The following TPST2 variants were observed in gnomAD, a reference collection of about 807,000 sequenced individuals.
TPST2 encodes protein-tyrosine sulfotransferase 2.
In TPST2, 16 loss-of-function variants were observed where a neutral mutation model predicts 27.8. That is an observed-to-expected ratio of 0.58 (90% CI 0.39 to 0.88). The LOEUF (loss-of-function observed/expected upper bound fraction) is 0.88. Among genes scored for constraint, TPST2 ranks in the 40% least tolerant of loss-of-function variants. The pLI, the probability that TPST2 is intolerant of heterozygous loss-of-function variation, is 0.00. For missense variants in TPST2, 464 were observed against 543.1 expected (o/e 0.85, Z 1.45); for synonymous variants, 229 against 231.7 (o/e 0.99, Z 0.10).
chr22:26,531,320 C>T (rs1925149613), intron 5 of TPST2, among the ~76,000 whole-genome samples: 1 of 152,174 alleles, frequency 6.6e-6, no homozygotes, highest in African/African-American at 2.4e-5. Flanking sequence ...TTCCACAGAA[C>T]ACTACGTAGC....
intron 1 of TPST2, among the ~76,000 whole-genome samples, chr22:26,583,436 C>CAAAAAAAA (rs775047318): frequency 6.9e-4 from 44 of 63,558 alleles, no homozygotes; most frequent in East Asian, 8.6e-4. Context: ...AACTCCATCT[C>CAAAAAAAA]AAAAAAAAAA....
At chr22:26,585,050 T>A (rs956424856) in intron 1 of TPST2, among the ~76,000 whole-genome samples, 1 of 152,224 alleles carries the variant, frequency 6.6e-6, no homozygotes, top group Non-Finnish European at 1.5e-5. Flanking sequence ...CCCTGGAAGA[T>A]AGGTCCTACT....
chr22:26,561,494 T>C (rs1927091590), intron 1 of TPST2, among the ~76,000 whole-genome samples: 1 of 152,228 alleles, frequency 6.6e-6, no homozygotes, highest in Non-Finnish European at 1.5e-5. Context: ...TTGTCTCTGA[T>C]GCAGCTTATA....
At chr22:26,558,120 TACACACACAC>T (rs71192941) in intron 1 of TPST2, among the ~76,000 whole-genome samples, 12,845 of 141,302 alleles carry the variant, frequency 0.091, 653 homozygotes, top group African/African-American at 0.13. Flanking sequence ...ATATATATAA[TACACACACAC>T]ACACACACAC....
In TPST2 at chr22:26,540,922, A is replaced by G. The variant is rs2147188133; in HGVS notation, c.709T>C (p.Tyr237His). 2 of 1,614,192 alleles carry G rather than the reference A, an allele frequency of 1.2e-6. No individual in the cohort carries two copies. Among genetic ancestry groups the G allele is most frequent in the Non-Finnish European group, 1.7e-6 (2 of 1,180,028 alleles). Reference sequence around the variant, plus strand: ...GGGTGCAGCACCAGCTGCTCGTAGTACACAGGCAGGCACTTCTCCTTGCCT... The same window carrying G: ...GGGTGCAGCACCAGCTGCTCGTAGTGCACAGGCAGGCACTTCTCCTTGCCT... ...EVGKEKCLPV[Y>H]YEQLVLHPRR... The change falls in exon 3 of 7, where the codon TAC becomes CAC. Residue 237 changes from tyrosine to histidine, a missense_variant. Physicochemically the swap from Tyr to His is moderately conservative, Grantham distance 83 (BLOSUM62 2). Coordinates refer to ENST00000338754, the MANE Select transcript of TPST2 (RefSeq NM_003595.5).
rs373609475 is a variant in TPST2, at chr22:26,585,508, G to A, written c.-161+4545C>T. On this transcript the variant is annotated intron_variant, in intron 1 of 6. Coordinates refer to ENST00000338754, the MANE Select transcript of TPST2 (RefSeq NM_003595.5). ...GACAGTCATCCCAGATCTCTGGAGGGGCCCCAGACCGGGTACATGCAGGTC... is the reference window on the plus strand; with the variant it reads ...GACAGTCATCCCAGATCTCTGGAGGAGCCCCAGACCGGGTACATGCAGGTC... 2.6e-5 allele frequency among the ~76,000 whole-genome samples: 4 copies of A among 152,170 alleles called. No homozygotes were observed. The East Asian group carries it at 7.7e-4, about 29-fold the overall frequency.
intron 1 of TPST2, among the ~76,000 whole-genome samples, chr22:26,551,196 G>A (rs1371761387): frequency 6.6e-6 from 1 of 152,172 alleles, no homozygotes; most frequent in Non-Finnish European, 1.5e-5. Flanking sequence ...TGAAGTGGGA[G>A]GATGGCTTGA....
chr22:26,545,850 C>T (rs1926089517), intron 1 of TPST2, among the ~76,000 whole-genome samples: 2 of 152,132 alleles, frequency 1.3e-5, no homozygotes, highest in Non-Finnish European at 2.9e-5. Context: ...GAGGCAGAGG[C>T]AGGAGGATCA....
chr22:26,555,329 G>A (rs1429938201), intron 1 of TPST2: 1 of 509,346 alleles, frequency 2.0e-6, no homozygotes, highest in Admixed American at 2.0e-5. Flanking sequence ...TGCCCACCTG[G>A]GCCAGGCTCA....
chr22:26,547,208 C>T (rs1194866069), intron 1 of TPST2, among the ~76,000 whole-genome samples: 1 of 152,164 alleles, frequency 6.6e-6, no homozygotes, highest in Non-Finnish European at 1.5e-5. Flanking sequence ...CCCAGATCCT[C>T]CCATCTCAGC....
intron 1 of TPST2, among the ~76,000 whole-genome samples, chr22:26,554,765 C>G (rs370409260): frequency 3.3e-5 from 5 of 152,272 alleles, no homozygotes; most frequent in African/African-American, 1.2e-4. Flanking sequence ...TGGTGAAACC[C>G]CGTCTCTGCC....
intron 1 of TPST2, among the ~76,000 whole-genome samples, chr22:26,578,927 C>CTGCA (rs796889541): frequency 1.3e-5 from 2 of 151,454 alleles, no homozygotes; most frequent in African/African-American, 4.8e-5. Flanking sequence ...TCTTGGCTCA[C>CTGCA]TGCAGCCTTG....
At chr22:26,543,980 C>T (rs528513398) in intron 2 of TPST2, among the ~76,000 whole-genome samples, 1 of 152,294 alleles carries the variant, frequency 6.6e-6, no homozygotes, top group Admixed American at 6.5e-5. Context: ...GCCCAACACC[C>T]TCATCACCCT....
chr22:26,570,186 T>G (rs1927576906), intron 1 of TPST2, among the ~76,000 whole-genome samples: 1 of 151,890 alleles, frequency 6.6e-6, no homozygotes, highest in South Asian at 2.1e-4. Flanking sequence ...CCCCACACAC[T>G]TTTTTTTCCC....
intron 1 of TPST2, among the ~76,000 whole-genome samples, chr22:26,585,788 C>G (rs998132868): frequency 2.0e-5 from 3 of 152,184 alleles, no homozygotes; most frequent in African/African-American, 7.2e-5. Context: ...TGGTGGCTCA[C>G]ACCTGTAATC....
intron 1 of TPST2, chr22:26,547,409 C>G (rs1926184000): frequency 6.6e-6 from 1 of 152,086 alleles, no homozygotes; most frequent in South Asian, 2.1e-4. Context: ...CCCTCCTTTT[C>G]TTGTAGGAGG....
At chr22:26,559,308 G>T (rs1926963529) in intron 1 of TPST2, among the ~76,000 whole-genome samples, 1 of 152,268 alleles carries the variant, frequency 6.6e-6, no homozygotes, top group Admixed American at 6.5e-5. Flanking sequence ...AGAGGCTGCA[G>T]TGAGCCAAAA....
At chr22:26,578,894 C>T (rs888965158) in intron 1 of TPST2, among the ~76,000 whole-genome samples, 2 of 151,264 alleles carry the variant, frequency 1.3e-5, no homozygotes, top group African/African-American at 4.9e-5. Flanking sequence ...CTCTGTCACC[C>T]AGGCTAGAGT....
At chr22:26,584,538 C>T (rs548122643) in intron 1 of TPST2, among the ~76,000 whole-genome samples, 6 of 152,028 alleles carry the variant, frequency 3.9e-5, no homozygotes, top group Admixed American at 6.5e-5. Flanking sequence ...TGGTGGCTCA[C>T]GCCTGTAACC....
Sources: allele counts gnomAD v4.1 joint callset (sites outside exome capture counted in the v4.1 genomes callset), GRCh38; gene constraint gnomAD v4.1.1; transcripts MANE v1.5; gene names NCBI Gene and HGNC (gene_info 2026-07-23, HGNC 2026-07-21).